KIAA1217: variants seen among roughly 807,000 people sequenced by gnomAD.
The protein encoded by KIAA1217 is sickle tail protein homolog.
In KIAA1217, 88 loss-of-function variants were observed where a neutral mutation model predicts 163.9. The ratio of observed to expected loss-of-function variants is 0.54; its 90% CI spans 0.45 to 0.64. KIAA1217 has a LOEUF of 0.64. KIAA1217 is among the 30% of genes least tolerant of loss of function. The pLI, the probability that KIAA1217 is intolerant of heterozygous loss-of-function variation, is 0.00. For synonymous variants in KIAA1217, 903 were observed against 923.1 expected (o/e 0.98, Z 0.39); for missense variants, 2,372 against 2,475.0 (o/e 0.96, Z 0.88).
At chr10:24,432,118 CTTTTTTTTTTT>C (rs57893341) in intron 3 of KIAA1217, among the ~76,000 whole-genome samples, 4 of 116,432 alleles carry the variant, frequency 3.4e-5, no homozygotes, top group South Asian at 2.9e-4. Flanking sequence ...AAGTATCGTC[CTTTTTTTTTTT>C]TTTTTTTTTT....
At chr10:24,068,525 T>C (rs189259809) in intron 2 of KIAA1217, among the ~76,000 whole-genome samples, 5 of 152,300 alleles carry the variant, frequency 3.3e-5, no homozygotes, top group Non-Finnish European at 5.9e-5. Context: ...TGTTTCTTCA[T>C]TTTCCTTGAC....
At chr10:23,856,280 A>G (rs1839655650) in intron 1 of KIAA1217, among the ~76,000 whole-genome samples, 1 of 152,204 alleles carries the variant, frequency 6.6e-6, no homozygotes, top group Non-Finnish European at 1.5e-5. Flanking sequence ...GGTCCACTCC[A>G]GACCCTGTTT....
At chr10:24,397,494 A>C (rs947662676) in intron 3 of KIAA1217, among the ~76,000 whole-genome samples, 1 of 152,240 alleles carries the variant, frequency 6.6e-6, no homozygotes, top group Non-Finnish European at 1.5e-5. Flanking sequence ...ACCAACCAGC[A>C]AAGCCAAGAT....
Position 24,501,500 on chromosome 10 carries a change from C to T in KIAA1217, c.1956C>T (p.Ser652=), listed in dbSNP as rs61735618. The T allele has an allele frequency of 7.3e-4, 1,171 of 1,613,866 alleles. 7 individuals are homozygous for T. In the African/African-American group the frequency reaches 0.014, roughly 19 times the overall value. Residue 652 remains serine (S), a synonymous_variant, in exon 9 of 21, where the codon AGC becomes AGT. Coordinates refer to ENST00000376454, the MANE Select transcript of KIAA1217 (RefSeq NM_019590.5). ...TGAGCCTGCTTGAGATGAGGCGGAG[C>T]GTGGCGGAACTCAGGCTCCAGCTCC... ...IHMSLLEMRR[S]VAELRLQLQQ...
intron 2 of KIAA1217, among the ~76,000 whole-genome samples, chr10:24,125,001 C>A (rs904595657): frequency 6.6e-6 from 1 of 152,092 alleles, no homozygotes; most frequent in Non-Finnish European, 1.5e-5. Context: ...TGGCCGGGTG[C>A]AGTGGCTCAT....
At chr10:24,037,328 A>G (rs1178702959) in intron 2 of KIAA1217, among the ~76,000 whole-genome samples, 1 of 152,020 alleles carries the variant, frequency 6.6e-6, no homozygotes. Flanking sequence ...TAAAAAGAAT[A>G]AAAAATAAAA....
At chr10:23,792,444 C>G (rs578096917) in intron 1 of KIAA1217, among the ~76,000 whole-genome samples, 4 of 152,026 alleles carry the variant, frequency 2.6e-5, no homozygotes, top group African/African-American at 9.6e-5. Context: ...AATGTCATTA[C>G]TGTTAAAATA....
intron 1 of KIAA1217, among the ~76,000 whole-genome samples, chr10:23,898,290 T>A (rs1271803070): frequency 6.8e-6 from 1 of 147,726 alleles, no homozygotes; most frequent in African/African-American, 2.5e-5. Context: ...TCTATATTTA[T>A]AAGACTATAT....
At chr10:23,920,883 C>T (rs1273963074) in intron 1 of KIAA1217, among the ~76,000 whole-genome samples, 1 of 152,176 alleles carries the variant, frequency 6.6e-6, no homozygotes, top group East Asian at 1.9e-4. Context: ...GGGTTTTTCA[C>T]ATGCTGTTCT....
intron 3 of KIAA1217, among the ~76,000 whole-genome samples, chr10:24,416,619 G>A (rs998323040): frequency 2.0e-5 from 3 of 152,106 alleles, no homozygotes; most frequent in Non-Finnish European, 2.9e-5. Context: ...TTACCTTCAC[G>A]ATGACCGAGG....
At chr10:24,300,810 C>T (rs2078937) in intron 2 of KIAA1217, among the ~76,000 whole-genome samples, 4,303 of 151,702 alleles carry the variant, frequency 0.028, 213 homozygotes, top group African/African-American at 0.099. Flanking sequence ...GAAGTGAATT[C>T]GCCTGTTTGT....
intron 1 of KIAA1217, among the ~76,000 whole-genome samples, chr10:23,851,561 A>G (rs1475255716): frequency 5.9e-5 from 9 of 152,122 alleles, no homozygotes; most frequent in African/African-American, 2.2e-4. Flanking sequence ...TGGTATTTCT[A>G]GTTCTAGATC....
At chr10:24,224,221 C>T (rs1392654020) in intron 2 of KIAA1217, among the ~76,000 whole-genome samples, 1 of 152,202 alleles carries the variant, frequency 6.6e-6, no homozygotes, top group African/African-American at 2.4e-5. Context: ...GCTGTACAGC[C>T]TCATTGCCTG....
intron 2 of KIAA1217, among the ~76,000 whole-genome samples, chr10:24,237,261 T>C (rs527509303): frequency 6.6e-6 from 1 of 152,366 alleles, no homozygotes; most frequent in Middle Eastern, 3.4e-3. Flanking sequence ...GTTGTCCTTA[T>C]TGCTGGGATC....
intron 1 of KIAA1217, among the ~76,000 whole-genome samples, chr10:23,989,371 AT>A (rs1025471497): frequency 4.7e-4 from 71 of 152,306 alleles, no homozygotes; most frequent in African/African-American, 1.6e-3. Flanking sequence ...AAAACTATGT[AT>A]TTTTTTATGT....
intron 1 of KIAA1217, among the ~76,000 whole-genome samples, chr10:23,960,200 C>T (rs945938337): frequency 6.6e-6 from 1 of 152,084 alleles, no homozygotes; most frequent in African/African-American, 2.4e-5. Context: ...CAGGTGTAAG[C>T]CACCACGCCC....
chr10:23,738,985 T>C (rs1301248628), intron 1 of KIAA1217, among the ~76,000 whole-genome samples: 1 of 152,096 alleles, frequency 6.6e-6, no homozygotes, highest in Non-Finnish European at 1.5e-5. Flanking sequence ...ATCAGGTGCA[T>C]GGGTTGCTTT....
chr10:24,167,988 G>A (rs934403379), intron 2 of KIAA1217, among the ~76,000 whole-genome samples: 2 of 152,092 alleles, frequency 1.3e-5, no homozygotes, highest in African/African-American at 4.8e-5. Flanking sequence ...GAGCCCTCAC[G>A]AAAACATCTC....
chr10:24,352,834 C>T (rs367607915), intron 2 of KIAA1217, among the ~76,000 whole-genome samples: 2 of 152,066 alleles, frequency 1.3e-5, no homozygotes, highest in African/African-American at 4.8e-5. Flanking sequence ...TATGAGTGAC[C>T]TCGACTTTGT....
Sources: gnomAD v4.1 joint callset for allele counts (sites outside exome capture counted in the v4.1 genomes callset) on GRCh38, gnomAD v4.1.1 for gene constraint, MANE v1.5 for transcripts, NCBI Gene and HGNC (gene_info 2026-07-23, HGNC 2026-07-21) for gene names.